Variants in ANKRD12 observed in about 807,000 individuals in gnomAD.
The protein encoded by ANKRD12 is ankyrin repeat domain-containing protein 12.
A neutral mutation model predicts 183.4 loss-of-function variants in ANKRD12; 85 were observed. That is an observed-to-expected ratio of 0.46 (90% confidence interval 0.39 to 0.56). The LOEUF (loss-of-function observed/expected upper bound fraction) is 0.56. Among genes scored for constraint, ANKRD12 ranks in the 20% least tolerant of loss-of-function variants. The pLI is 0.00. For missense variants in ANKRD12, 2,405 were observed against 2,357.1 expected, an observed-to-expected ratio of 1.02 and a Z score of -0.42; for synonymous variants, 914 against 800.2, an observed-to-expected ratio of 1.14 and a Z score of -2.40.
rs1042993577 is a variant in ANKRD12, at chr18:9,224,408, C to CT, written c.943+2419dup. Among the ~76,000 whole-genome samples, 1,105 of 147,744 alleles carry CT rather than the reference C, an allele frequency of 7.5e-3. 22 individuals are homozygous for CT. The highest frequency in any genetic ancestry group is 0.025 in the African/African-American group (1,014 of 40,418). On this transcript the variant is annotated intron_variant, in intron 8 of 12. Coordinates refer to ENST00000262126, the MANE Select transcript of ANKRD12 (RefSeq NM_015208.5). ...GGTATAAAAGTAGAAACAGCTGCGG[C>CT]TTTTTTTTTTAAGCCAGCAAAATCT... is the stretch of plus-strand genomic sequence containing the variant.
intron 1 of ANKRD12, among the ~76,000 whole-genome samples, chr18:9,170,725 C>T (rs2032621700): frequency 6.6e-6 from 1 of 152,182 alleles, no homozygotes; most frequent in South Asian, 2.1e-4. Context: ...ATTCTCCCTC[C>T]AGCTTTGTTC....
At chr18:9,151,150 A>T (rs1241890269) in intron 1 of ANKRD12, among the ~76,000 whole-genome samples, 3 of 152,182 alleles carry the variant, frequency 2.0e-5, no homozygotes, top group Admixed American at 6.5e-5. Flanking sequence ...TAAATAGCTA[A>T]GGCAGGGAGG....
intron 1 of ANKRD12, among the ~76,000 whole-genome samples, chr18:9,161,324 C>G (rs542624046): frequency 6.6e-6 from 1 of 151,256 alleles, no homozygotes; most frequent in Non-Finnish European, 1.5e-5. Context: ...AACTTTGATC[C>G]CTTTTTGTCC....
intron 2 of ANKRD12, among the ~76,000 whole-genome samples, chr18:9,193,071 T>G (rs962940492): frequency 1.3e-5 from 2 of 152,120 alleles, no homozygotes; most frequent in African/African-American, 4.8e-5. Flanking sequence ...AATCCATATA[T>G]TCCAAGGAAA....
intron 1 of ANKRD12, among the ~76,000 whole-genome samples, chr18:9,167,740 A>G (rs988601988): frequency 5.9e-5 from 9 of 152,162 alleles, no homozygotes; most frequent in African/African-American, 1.7e-4. Context: ...CCTGGCCACA[A>G]CTTCCAACAC....
intron 1 of ANKRD12, among the ~76,000 whole-genome samples, chr18:9,166,930 C>CATAT (rs1368941149): frequency 6.6e-6 from 1 of 152,220 alleles, no homozygotes; most frequent in African/African-American, 2.4e-5. Flanking sequence ...CAGCTTCCTA[C>CATAT]ATATGGCTAG....
At chr18:9,208,859 T>C in intron 5 of ANKRD12, 56 bp downstream of exon 5, 1 of 1,402,692 alleles carries the variant, frequency 7.1e-7, no homozygotes, top group Non-Finnish European at 9.5e-7. Context: ...CAGGCAACTG[T>C]AGTCTCGTCT....
At chr18:9,239,011 A>G (rs1050419023) in intron 8 of ANKRD12, among the ~76,000 whole-genome samples, 2 of 152,142 alleles carry the variant, frequency 1.3e-5, no homozygotes, top group East Asian at 1.9e-4. Context: ...AGTCCCAGCT[A>G]TTCGGGATGG....
At chr18:9,167,573 C>T (rs1460807455) in intron 1 of ANKRD12, among the ~76,000 whole-genome samples, 1 of 152,102 alleles carries the variant, frequency 6.6e-6, no homozygotes, top group African/African-American at 2.4e-5. Flanking sequence ...ATTTTGTATC[C>T]TGAGACTTTG....
At chr18:9,144,320 C>G (rs1003422076) in intron 1 of ANKRD12, among the ~76,000 whole-genome samples, 1 of 152,098 alleles carries the variant, frequency 6.6e-6, no homozygotes, top group Non-Finnish European at 1.5e-5. Context: ...GATTATTAAT[C>G]TTCTATATGT....
intron 4 of ANKRD12, among the ~76,000 whole-genome samples, chr18:9,207,721 C>T (rs1216823171): frequency 5.3e-5 from 8 of 151,970 alleles, no homozygotes; most frequent in Admixed American, 1.3e-4. Flanking sequence ...TTTTGCAGCT[C>T]CTCTTTGCAG....
At chr18:9,153,097 G>A (rs1435148825) in intron 1 of ANKRD12, among the ~76,000 whole-genome samples, 2 of 152,132 alleles carry the variant, frequency 1.3e-5, no homozygotes, top group South Asian at 2.1e-4. Flanking sequence ...GCCTTCCAAA[G>A]TGTTGGAATT....
chr18:9,140,829 G>A (rs1192157471), intron 1 of ANKRD12, among the ~76,000 whole-genome samples: 1 of 150,808 alleles, frequency 6.6e-6, no homozygotes, highest in African/African-American at 2.4e-5. Flanking sequence ...GAAAATAAAG[G>A]TACTAATAAT....
chr18:9,223,207 G>T (rs545544374), intron 8 of ANKRD12, among the ~76,000 whole-genome samples: 1 of 151,810 alleles, frequency 6.6e-6, no homozygotes, highest in Non-Finnish European at 1.5e-5. Context: ...ATCACTTGAG[G>T]CCGAGAGTTC....
Position 9,258,665 on chromosome 18 carries a change from C to G in ANKRD12, c.5398C>G (p.Pro1800Ala), listed in dbSNP as rs772272399. 3.1e-6 allele frequency: 5 copies of G among 1,613,874 alleles called. No individual in the cohort carries two copies. The highest frequency in any genetic ancestry group is 4.2e-6 in the Non-Finnish European group (5 of 1,179,886). The change falls in exon 9 of 13, where the codon CCC (proline) becomes GCC (alanine). Residue 1800 changes from proline to alanine, a missense_variant. By Grantham distance (27) the Pro-to-Ala change is conservative (BLOSUM62 -1). Coordinates refer to ENST00000262126, the MANE Select transcript of ANKRD12 (RefSeq NM_015208.5). ...TGTACCTCAGCCTGTGCAAGTGAGT[C>G]CCTCTTTACTACAAGCAAAAGAGAA... is the stretch of plus-strand genomic sequence containing the variant. ...SRVPQPVQVS[P>A]SLLQAKEKTQ...
chr18:9,229,847 G>A (rs904025356), intron 8 of ANKRD12, among the ~76,000 whole-genome samples: 1 of 151,956 alleles, frequency 6.6e-6, no homozygotes, highest in South Asian at 2.1e-4. Flanking sequence ...TTATCTTTTC[G>A]ATGTGCCATT....
intron 6 of ANKRD12, among the ~76,000 whole-genome samples, chr18:9,216,187 C>T (rs560499121): frequency 9.9e-5 from 15 of 152,012 alleles, no homozygotes; most frequent in African/African-American, 2.9e-4. Flanking sequence ...ACCAAATATG[C>T]CTGCCTCTCC....
chr18:9,161,628 G>A (rs933753540), intron 1 of ANKRD12, among the ~76,000 whole-genome samples: 26 of 151,754 alleles, frequency 1.7e-4, no homozygotes, highest in African/African-American at 5.3e-4. Context: ...CGCCCGCCTC[G>A]GCCTTCCAAA....
intron 6 of ANKRD12, among the ~76,000 whole-genome samples, chr18:9,214,978 GA>G (rs757109133): frequency 1.3e-4 from 20 of 152,080 alleles, no homozygotes; most frequent in Non-Finnish European, 2.6e-4. Context: ...TAAAGCTGGG[GA>G]ATTTAACGCC....
Sources: gnomAD v4.1 joint callset for allele counts (sites outside exome capture counted in the v4.1 genomes callset) on GRCh38, gnomAD v4.1.1 for gene constraint, MANE v1.5 for transcripts, NCBI Gene and HGNC (gene_info 2026-07-23, HGNC 2026-07-21) for gene names.